The following RP1L1 variants were observed in gnomAD, a reference collection of about 807,000 sequenced individuals.
RP1L1 encodes retinitis pigmentosa 1-like 1 protein.
RP1L1 carries 27 observed loss-of-function variants against 15.7 expected under a neutral mutation model. That is an observed-to-expected ratio of 1.72 (90% CI 1.27 to 2.38). The LOEUF (loss-of-function observed/expected upper bound fraction) is 2.38, where lower values mean the gene tolerates loss of function less well. RP1L1 is among the 30% of genes most tolerant of loss of function. The pLI, the probability that RP1L1 is intolerant of heterozygous loss-of-function variation, is 0.00. For synonymous variants in RP1L1, 1,813 were observed against 1,276.7 expected, an observed-to-expected ratio of 1.42 and a Z score of -8.96; for missense variants, 4,798 against 3,075.9, an observed-to-expected ratio of 1.56 and a Z score of -13.24.
intron 1 of RP1L1, among the ~76,000 whole-genome samples, chr8:10,625,121 T>C (rs1798136507): frequency 2.0e-5 from 3 of 152,162 alleles, no homozygotes; most frequent in Admixed American, 2.0e-4. Context: ...TATCAGTCAC[T>C]TTTCCCCTTG....
At chr8:10,633,688 A>G (rs1798287160) in intron 1 of RP1L1, among the ~76,000 whole-genome samples, 1 of 152,170 alleles carries the variant, frequency 6.6e-6, no homozygotes, top group African/African-American at 2.4e-5. Context: ...GAGGACAGCA[A>G]ACCTCCAGGG....
chr8:10,610,746 G>C lies in RP1L1; in HGVS notation c.3352C>G (p.Leu1118Val). ...TGCAGACTGGCCAGACAAGTAATGA[G>C]GGCCCCGGCTGAGCAGCTGAGCCTC... ...ARRLSCSAGA[L>V]ITCLASLQLF... is the part of the protein sequence containing the mutation. The change falls in exon 4 of 4, where the codon CTC becomes GTC. Residue 1118 changes from leucine to valine, a missense_variant. By Grantham distance (32) the Leu-to-Val change is conservative. Transcript: ENST00000382483. The C allele has an allele frequency of 1.2e-6, 2 of 1,613,460 alleles. No homozygotes were observed. Among genetic ancestry groups the C allele is most frequent in the Non-Finnish European group, 1.7e-6 (2 of 1,180,034 alleles).
intron 1 of RP1L1, among the ~76,000 whole-genome samples, chr8:10,646,703 A>C (rs779778393): frequency 4.6e-5 from 7 of 152,180 alleles, no homozygotes; most frequent in Non-Finnish European, 1.0e-4. Flanking sequence ...GGTGGCACAC[A>C]AGCACCGAGG....
At chr8:10,643,930 C>G (rs1414009545) in intron 1 of RP1L1, among the ~76,000 whole-genome samples, 4 of 151,804 alleles carry the variant, frequency 2.6e-5, no homozygotes, top group Admixed American at 6.6e-5. Flanking sequence ...TGGCTGTGGT[C>G]TCTATCAAGC....
At position 10,607,834 on chromosome 8, in the gene RP1L1, C is replaced by A. The variant is rs11778341; in HGVS notation, c.6264G>T (p.Gln2088His). 200,846 of 1,610,128 alleles carry A rather than the reference C, an allele frequency of 0.12. 14,425 individuals are homozygous for A. The highest frequency in any genetic ancestry group is 0.38 in the East Asian group (16,986 of 44,342). ...CTGGCTGGGCCTCCCCTTCTGCCTCCTGGGCATCTACATCTTCTGACTCTG... is the reference window on the plus strand; with the variant it reads ...CTGGCTGGGCCTCCCCTTCTGCCTCATGGGCATCTACATCTTCTGACTCTG... Reference protein sequence around the residue: ...AHPESEDVDAQEAEGEAQPES... With the variant: ...AHPESEDVDAHEAEGEAQPES... The change falls in exon 4 of 4, where the codon CAG (glutamine) becomes CAT (histidine). Residue 2088 changes from glutamine (Q) to histidine (H), a missense_variant. By Grantham distance (24) the Gln-to-His change is conservative (BLOSUM62 0). Coordinates refer to ENST00000382483, the MANE Select transcript of RP1L1 (RefSeq NM_178857.6).
At chr8:10,617,911 C>A (rs72603906) in intron 2 of RP1L1, among the ~76,000 whole-genome samples, 19 of 152,092 alleles carry the variant, frequency 1.2e-4, no homozygotes, top group African/African-American at 4.3e-4. Flanking sequence ...GACTCCTGGT[C>A]CATCAAAAAT....
Position 10,606,699 on chromosome 8 carries a change from C to T in RP1L1, c.*196G>A. On this transcript the variant is annotated 3_prime_UTR_variant, in exon 4 of 4. Coordinates refer to ENST00000382483, the MANE Select transcript of RP1L1 (RefSeq NM_178857.6). ...TTCTTCACACTGCGTGTGGGACGGG[C>T]CGCAGAGCTCTCTGACACTTCTGGA... 6 of 891,410 alleles carry T rather than the reference C, an allele frequency of 6.7e-6. No individual in the cohort carries two copies. The highest frequency in any genetic ancestry group is 1.0e-5 in the Non-Finnish European group (6 of 602,224). The allele number at this position is 891,410 out of a possible 1,614,324, so 55.2% of individuals were successfully genotyped here. A position where few individuals can be genotyped will look rare whatever the true frequency, so the allele number is the denominator to read the frequency against.
chr8:10,616,577 A>G lies in RP1L1; in HGVS notation c.620T>C (p.Leu207Pro), dbSNP rs559493005. The G allele has an allele frequency of 6.2e-7, 1 of 1,612,506 alleles. No individual in the cohort carries two copies. Among genetic ancestry groups the G allele is most frequent in the African/African-American group, 1.3e-5 (1 of 75,056 alleles). ...AGAGGGGCTGTGCAGCAGGGCCTGC[A>G]GCGAGTCCACCTGAGGGAGGAGCGG... ...YTTSGKKVDS[L>P]QALLHSPSVL... The change falls in exon 3 of 4, where the codon CTG becomes CCG. Residue 207 changes from leucine to proline, a missense_variant. Transcript: ENST00000382483.
In RP1L1 at chr8:10,607,816, G is replaced by C. The variant is rs1797737004; in HGVS notation, c.6282C>G (p.Ala2094=). The C allele has an allele frequency of 6.3e-7, 1 of 1,592,076 alleles. No homozygotes were observed. The highest frequency in any genetic ancestry group is 8.6e-7 in the Non-Finnish European group (1 of 1,166,056). The change falls in exon 4 of 4, where the codon GCC becomes GCG. Residue 2094 remains alanine (A), a synonymous_variant. Coordinates refer to ENST00000382483, the MANE Select transcript of RP1L1 (RefSeq NM_178857.6). The stretch of plus-strand genomic sequence containing the variant: ...CCTCTACACCTTCTGATTCTGGCTG[G>C]GCCTCCCCTTCTGCCTCCTGGGCAT... The part of the protein sequence containing the change: ...DVDAQEAEGE[A]QPESEGVEAP...
chr8:10,611,684 G>A lies in RP1L1; in HGVS notation c.2414C>T (p.Pro805Leu). Residue 805 changes from proline (P) to leucine (L), a missense_variant, in exon 4 of 4, where the codon CCC (proline) becomes CTC (leucine). Pro to Leu is a moderately conservative substitution (Grantham distance 98). Transcript: ENST00000382483. ...AGGCCGTCCAACCTGCAGAACCAAGGGTGAGGAGGGCTGAGGCGTGTCCCT... is the reference window on the plus strand; with the variant it reads ...AGGCCGTCCAACCTGCAGAACCAAGAGTGAGGAGGGCTGAGGCGTGTCCCT... ...EARDTPQPSS[P>L]LVLQVGRPEQ... 1 of 1,613,466 alleles carries A rather than the reference G, an allele frequency of 6.2e-7. No individual in the cohort carries two copies. The highest frequency in any genetic ancestry group is 8.5e-7 in the Non-Finnish European group (1 of 1,180,002).
Position 10,611,185 on chromosome 8 carries a change from C to A in RP1L1, c.2913G>T (p.Met971Ile), listed in dbSNP as rs1355833258. Residue 971 changes from methionine (M) to isoleucine (I), a missense_variant, in exon 4 of 4, where the codon ATG becomes ATT. Coordinates refer to ENST00000382483, the MANE Select transcript of RP1L1 (RefSeq NM_178857.6). ...TGGTCTCGTCCGCCAACTCATATGT[C>A]ATGAGTATGGGCTCTTCTGGAATGT... ...LDNIPEEPIL[M>I]TYELADETTG... 14 of 1,612,878 alleles carry A rather than the reference C, an allele frequency of 8.7e-6. No homozygotes were observed. Among genetic ancestry groups the A allele is most frequent in the African/African-American group, 1.3e-5 (1 of 74,940 alleles).
At chr8:10,618,543 T>A (rs1798008032) in intron 2 of RP1L1, among the ~76,000 whole-genome samples, 1 of 151,690 alleles carries the variant, frequency 6.6e-6, no homozygotes, top group Non-Finnish European at 1.5e-5. Context: ...AACAAAAAAA[T>A]TAGCCAGGCA....
intron 1 of RP1L1, among the ~76,000 whole-genome samples, chr8:10,645,785 A>G (rs1445458261): frequency 2.0e-5 from 3 of 152,164 alleles, no homozygotes; most frequent in Non-Finnish European, 4.4e-5. Context: ...CCCAGAGTCA[A>G]TTAGACCAGG....
chr8:10,607,099 G>C lies in RP1L1; in HGVS notation c.6999C>G (p.Thr2333=). The C allele has an allele frequency of 6.2e-7, 1 of 1,614,182 alleles. No homozygotes were observed. ...TGGTGGCCTTCCTCTCTGCATGAGGGGTCCCCGTGGACTTGGCATCAGGGC... is the reference window on the plus strand; with the variant it reads ...TGGTGGCCTTCCTCTCTGCATGAGGCGTCCCCGTGGACTTGGCATCAGGGC... ...TRSPDAKSTG[T]PHAERKATRM... is the part of the protein sequence containing the mutation. The change falls in exon 4 of 4, where the codon ACC becomes ACG. Residue 2333 remains threonine (T), a synonymous_variant. Transcript: ENST00000382483.
intron 2 of RP1L1, among the ~76,000 whole-genome samples, chr8:10,617,922 C>T (rs1236349584): frequency 2.6e-5 from 4 of 152,118 alleles, no homozygotes; most frequent in Admixed American, 6.6e-5. Flanking sequence ...CATCAAAAAT[C>T]GCACCCACTA....
chr8:10,649,808 C>A (rs78265743), intron 1 of RP1L1, among the ~76,000 whole-genome samples: 1 of 152,132 alleles, frequency 6.6e-6, no homozygotes, highest in African/African-American at 2.4e-5. Flanking sequence ...TACAGATGTG[C>A]AAGCAATTCC....
Position 10,607,377 on chromosome 8 carries a change from A to T in RP1L1, c.6721T>A (p.Ser2241Thr), listed in dbSNP as rs1179497606. 1 of 1,613,110 alleles carries T rather than the reference A, an allele frequency of 6.2e-7. No homozygotes were observed. Among genetic ancestry groups the T allele is most frequent in the East Asian group, 2.2e-5 (1 of 44,800 alleles). ...TTCTCACCTTGAGTTTCTCCTTCTG[A>T]CTCTGGCTGGGCCTCCCCTTCAGCC... ...PEAEGEAQPE[S>T]EGETQGEKKG... Residue 2241 changes from serine to threonine, a missense_variant, in exon 4 of 4, where the codon TCA (serine) becomes ACA (threonine). Ser to Thr is a moderately conservative substitution (Grantham distance 58). Transcript: ENST00000382483.
rs553223549 is a variant in RP1L1 at position 10,607,340 on chromosome 8, G to C, written c.6758C>G (p.Pro2253Arg). 1 of 1,614,212 alleles carries C rather than the reference G, an allele frequency of 6.2e-7. No individual in the cohort carries two copies. The highest frequency in any genetic ancestry group is 8.5e-7 in the Non-Finnish European group (1 of 1,180,032). ...TTGGCCATCTCCTAGACTGACCTGA[G>C]GGCTCCCCTTTTTCTCACCTTGAGT... ...GETQGEKKGS[P>R]QVSLGDGQSE... The change falls in exon 4 of 4, where the codon CCT becomes CGT. Residue 2253 changes from proline to arginine, a missense_variant. Pro to Arg is a moderately radical substitution (Grantham distance 103). Coordinates refer to ENST00000382483, the MANE Select transcript of RP1L1 (RefSeq NM_178857.6).
chr8:10,609,725 CTGAGA>C lies in RP1L1; in HGVS notation c.4368_4372del (p.His1456GlnfsTer17), dbSNP rs1797793130. On this transcript the variant is annotated frameshift_variant, in exon 4 of 4. Coordinates refer to ENST00000382483, the MANE Select transcript of RP1L1 (RefSeq NM_178857.6). LOFTEE classifies it low-confidence loss of function (END_TRUNC). ...CTCGCTGGCACTTGGGTCCGTCTCG[CTGAGA>C]TGACTAGGGGGCTCTGTGGGTTCCT... 1 of 1,613,258 alleles carries C rather than the reference CTGAGA, an allele frequency of 6.2e-7. No homozygotes were observed. Among genetic ancestry groups the C allele is most frequent in the African/African-American group, 1.3e-5 (1 of 74,930 alleles).
Sources: allele counts gnomAD v4.1 joint callset (sites outside exome capture counted in the v4.1 genomes callset), GRCh38; gene constraint gnomAD v4.1.1; transcripts MANE v1.5; gene names NCBI Gene and HGNC (gene_info 2026-07-23, HGNC 2026-07-21).